The following C1QTNF2 variants were observed in gnomAD, a reference collection of about 807,000 sequenced individuals.
C1QTNF2 encodes complement C1q tumor necrosis factor-related protein 2.
C1QTNF2 carries 15 observed loss-of-function variants against 17.4 expected under a neutral mutation model. The ratio of observed to expected loss-of-function variants is 0.86; its 90% confidence interval spans 0.58 to 1.33. C1QTNF2 has a LOEUF of 1.33. Ranked by LOEUF, C1QTNF2 falls within the 40% of genes most tolerant of loss-of-function variation. The pLI is 0.00. For missense variants in C1QTNF2, 381 were observed against 392.3 expected (o/e 0.97, Z 0.24); for synonymous variants, 154 against 163.3 (o/e 0.94, Z 0.44).
chr5:160,365,527 C>T (rs1180416898), intron 1 of C1QTNF2, among the ~76,000 whole-genome samples: 1 of 151,954 alleles, frequency 6.6e-6, no homozygotes, highest in Non-Finnish European at 1.5e-5. Context: ...GTCTGGCCAA[C>T]AAAGTGAGAC....
intron 2 of C1QTNF2, among the ~76,000 whole-genome samples, chr5:160,350,285 A>G (rs1410640268): frequency 6.6e-6 from 1 of 152,214 alleles, no homozygotes; most frequent in African/African-American, 2.4e-5. Context: ...AAAAAACATT[A>G]CGGTCCATCT....
intron 1 of C1QTNF2, among the ~76,000 whole-genome samples, chr5:160,369,780 G>A: frequency 6.6e-6 from 1 of 152,118 alleles, no homozygotes; most frequent in East Asian, 1.9e-4. Flanking sequence ...AGACTATTAG[G>A]GCCCACTGCA....
chr5:160,349,535 C>T lies in C1QTNF2; in HGVS notation c.491G>A (p.Arg164Gln), dbSNP rs749783653. 52 of 1,613,854 alleles carry T rather than the reference C, an allele frequency of 3.2e-5. No homozygotes were observed. Among genetic ancestry groups the T allele is most frequent in the East Asian group, 8.9e-5 (4 of 44,878 alleles). Residue 164 changes from arginine (R) to glutamine (Q), a missense_variant, in exon 3 of 3, where the codon CGG becomes CAG. Physicochemically the swap from Arg to Gln is conservative, Grantham distance 43 (BLOSUM62 1). Transcript: ENST00000652664. The surrounding 1 kb of genome is among the most constrained non-coding windows in gnomAD (Gnocchi z 4.3). Reference protein sequence around the residue: ...VAVTKSYPRERLPIKFDKILM... With the variant: ...VAVTKSYPREQLPIKFDKILM... ...AATCTTGTCAAACTTGATGGGCAGCCGCTCCCGTGGGTAGCTCTTGGTCAC... is the reference window on the plus strand; with the variant it reads ...AATCTTGTCAAACTTGATGGGCAGCTGCTCCCGTGGGTAGCTCTTGGTCAC...
chr5:160,356,860 A>G (rs1764060889), intron 1 of C1QTNF2, among the ~76,000 whole-genome samples: 1 of 152,102 alleles, frequency 6.6e-6, no homozygotes, highest in Non-Finnish European at 1.5e-5. Flanking sequence ...CCCCTCAGAA[A>G]CAGGCTGACC....
chr5:160,370,255 G>A (rs917429768), intron 1 of C1QTNF2, among the ~76,000 whole-genome samples: 5 of 152,184 alleles, frequency 3.3e-5, no homozygotes, highest in Admixed American at 2.6e-4. Context: ...AGCTACGGGT[G>A]TTACTATTGT....
chr5:160,351,972 G>A (rs765251982), intron 2 of C1QTNF2, among the ~76,000 whole-genome samples: 45 of 150,906 alleles, frequency 3.0e-4, no homozygotes, highest in Non-Finnish European at 5.3e-4. Flanking sequence ...GTGCAGTGGC[G>A]CGATCATAGC....
Position 160,349,814 on chromosome 5 carries a change from T to G in C1QTNF2, c.245-33A>C, listed in dbSNP as rs1581031187. 2 of 1,509,116 alleles carry G rather than the reference T, an allele frequency of 1.3e-6. No homozygotes were observed. Among genetic ancestry groups the G allele is most frequent in the South Asian group, 1.3e-5 (1 of 75,256 alleles). 93.5% of individuals were successfully genotyped at this position (1,509,116 alleles called of 1,614,324 possible). On this transcript the variant is annotated intron_variant, in intron 2 of 2. Transcript: ENST00000652664. The surrounding 1 kb of genome is among the most constrained non-coding windows in gnomAD (Gnocchi z 4.3). The stretch of plus-strand genomic sequence containing the variant: ...ACAGAGCAGCTGGTGTTATGGAGGG[T>G]CCTCACAGACCTAGGCAGAGGGGTG...
chr5:160,362,750 G>A (rs1212814791), intron 1 of C1QTNF2, among the ~76,000 whole-genome samples: 1 of 152,170 alleles, frequency 6.6e-6, no homozygotes, highest in Non-Finnish European at 1.5e-5. Context: ...ACTGGGCTTG[G>A]ATTCTGAAGA....
Position 160,349,619 on chromosome 5 carries a change from C to G in C1QTNF2, c.407G>C (p.Gly136Ala). The part of the protein sequence containing the change: ...KGPKGKKGEP[G>A]LPGPCSCGSG... The stretch of plus-strand genomic sequence containing the variant: ...GCCACAGCTGCAGGGGCCTGGGAGG[C>G]CTGGCTCCCCCTTCTTGCCCTTGGG... Residue 136 changes from glycine (G) to alanine (A), a missense_variant, in exon 3 of 3, where the codon GGC (glycine) becomes GCC (alanine). Gly to Ala is a moderately conservative substitution (Grantham distance 60). Transcript: ENST00000652664. This position sits in a 1 kb window ranked among gnomAD's most constrained non-coding sequence, Gnocchi z 4.3. 6.2e-7 allele frequency: 1 copy of G among 1,613,496 alleles called. No homozygotes were observed.
rs758931713 is a variant in C1QTNF2 at position 160,349,542 on chromosome 5, G to A, written c.484C>T (p.Arg162Trp). The change falls in exon 3 of 3, where the codon CGG becomes TGG. Residue 162 changes from arginine (R) to tryptophan (W), a missense_variant. Physicochemically the swap from Arg to Trp is moderately radical, Grantham distance 101 (BLOSUM62 -3). Coordinates refer to ENST00000652664, the MANE Select transcript of C1QTNF2 (RefSeq NM_031908.6). The surrounding 1 kb of genome is among the most constrained non-coding windows in gnomAD (Gnocchi z 4.3). The part of the protein sequence containing the change: ...FSVAVTKSYP[R>W]ERLPIKFDKI... ...TCAAACTTGATGGGCAGCCGCTCCC[G>A]TGGGTAGCTCTTGGTCACTGCCACC... 10 of 1,613,900 alleles carry A rather than the reference G, an allele frequency of 6.2e-6. No homozygotes were observed. The East Asian group carries it at 6.7e-5, about 11-fold the overall frequency.
intron 1 of C1QTNF2, among the ~76,000 whole-genome samples, chr5:160,363,321 T>C (rs1052228680): frequency 9.2e-5 from 14 of 152,236 alleles, no homozygotes; most frequent in African/African-American, 2.9e-4. Context: ...ACTCACGAAA[T>C]GTCCCCTCTC....
rs1313175344 is a variant in C1QTNF2, at chr5:160,354,580, A to AGG, written c.244+186_244+187dup. 2.0e-3 allele frequency among the ~76,000 whole-genome samples: 168 copies of AGG among 82,292 alleles called. 3 individuals carry two copies. Among genetic ancestry groups the AGG allele is most frequent in the African/African-American group, 7.0e-3 (162 of 23,034 alleles). The allele number at this position is 82,292 out of a possible 152,430, so 54.0% of individuals were successfully genotyped here. A position where few individuals can be genotyped will look rare whatever the true frequency, so the allele number is the denominator to read the frequency against. On this transcript the variant is annotated intron_variant, in intron 2 of 2. Coordinates refer to ENST00000652664, the MANE Select transcript of C1QTNF2 (RefSeq NM_031908.6). ...GGCGACAGAGCAAGCCTCTGTCTCA[A>AGG]GGGGAAAAAAAAAAAAAGTATATAT...
At chr5:160,369,128 G>A (rs1051890290) in intron 1 of C1QTNF2, among the ~76,000 whole-genome samples, 2 of 151,662 alleles carry the variant, frequency 1.3e-5, no homozygotes, top group African/African-American at 2.4e-5. Flanking sequence ...AATACTTTCC[G>A]AAAAGACACA....
At chr5:160,363,119 G>A (rs1225001009) in intron 1 of C1QTNF2, among the ~76,000 whole-genome samples, 1 of 152,184 alleles carries the variant, frequency 6.6e-6, no homozygotes. Flanking sequence ...GGTGTTAAAA[G>A]GGACAAGGTT....
At chr5:160,364,605 G>A (rs913413496) in intron 1 of C1QTNF2, among the ~76,000 whole-genome samples, 1 of 152,164 alleles carries the variant, frequency 6.6e-6, no homozygotes, top group East Asian at 1.9e-4. Context: ...GTCCTGATCT[G>A]CCACCCTGAG....
chr5:160,356,978 AGT>A (rs1764063079), intron 1 of C1QTNF2, among the ~76,000 whole-genome samples: 1 of 152,188 alleles, frequency 6.6e-6, no homozygotes, highest in Non-Finnish European at 1.5e-5. Flanking sequence ...ACATCCCAGC[AGT>A]GTGACAATCA....
chr5:160,348,528 T>C lies in C1QTNF2; in HGVS notation c.*640A>G, dbSNP rs918104796. 2.6e-5 allele frequency: 4 copies of C among 152,252 alleles called. No individual in the cohort carries two copies. Among genetic ancestry groups the C allele is most frequent in the Non-Finnish European group, 4.4e-5 (3 of 68,068 alleles). 9.4% of individuals were successfully genotyped at this position (152,252 alleles called of 1,614,324 possible). Reference sequence around the variant, plus strand: ...CTTTGTGTTGCTCTATTTCCTTCTTTGGAACTCAGCTCAAAAATGGAAATT... The same window carrying C: ...CTTTGTGTTGCTCTATTTCCTTCTTCGGAACTCAGCTCAAAAATGGAAATT... On this transcript the variant is annotated 3_prime_UTR_variant, in exon 3 of 3. Transcript: ENST00000652664.
chr5:160,356,040 T>C (rs972550869), intron 1 of C1QTNF2, among the ~76,000 whole-genome samples: 1 of 152,216 alleles, frequency 6.6e-6, no homozygotes, highest in African/African-American at 2.4e-5. Flanking sequence ...AATAGCACGA[T>C]CCCACTGGAG....
At chr5:160,361,943 T>C (rs1477644111) in intron 1 of C1QTNF2, among the ~76,000 whole-genome samples, 1 of 152,246 alleles carries the variant, frequency 6.6e-6, no homozygotes, top group Non-Finnish European at 1.5e-5. Flanking sequence ...TCTCTGGCTC[T>C]TTCCCTGGAA....
Sources: gnomAD v4.1 joint callset for allele counts (sites outside exome capture counted in the v4.1 genomes callset) on GRCh38, gnomAD v4.1.1 for gene constraint, Gnocchi (gnomAD v3.1) non-coding constraint, MANE v1.5 for transcripts, NCBI Gene and HGNC (gene_info 2026-07-23, HGNC 2026-07-21) for gene names.